Variants in COA1 observed in about 807,000 individuals in gnomAD.
The protein encoded by COA1 is cytochrome c oxidase assembly factor 1, also known as cytochrome c oxidase assembly factor 1 homolog.
In COA1, 13 loss-of-function variants were observed where a neutral mutation model predicts 16.0. That is an observed-to-expected ratio of 0.81 (90% confidence interval 0.53 to 1.29). COA1 has a LOEUF of 1.29. COA1 is among the 50% of genes most tolerant of loss of function. The pLI, the probability that COA1 is intolerant of heterozygous loss-of-function variation, is 0.00. For synonymous variants in COA1, 65 were observed against 65.7 expected (o/e 0.99, Z 0.05); for missense variants, 179 against 177.0 (o/e 1.01, Z -0.06).
intron 1 of COA1, among the ~76,000 whole-genome samples, chr7:43,673,650 C>A (rs774688714): frequency 1.3e-5 from 2 of 152,102 alleles, no homozygotes; most frequent in Non-Finnish European, 2.9e-5. Flanking sequence ...TGCGTATATA[C>A]CCAAAGGTAT....
chr7:43,692,122 C>T (rs187952262), intron 1 of COA1, among the ~76,000 whole-genome samples: 1 of 152,328 alleles, frequency 6.6e-6, no homozygotes, highest in African/African-American at 2.4e-5. Flanking sequence ...TGGGAATTAT[C>T]CAACCATCTG....
intron 6 of COA1, among the ~76,000 whole-genome samples, chr7:43,630,251 T>C (rs2085038270): frequency 6.6e-6 from 1 of 152,200 alleles, no homozygotes; most frequent in African/African-American, 2.4e-5. Context: ...GACACAGTCC[T>C]TTGGGGAGCA....
At chr7:43,669,228 A>C (rs1431199567) in intron 1 of COA1, among the ~76,000 whole-genome samples, 1 of 152,192 alleles carries the variant, frequency 6.6e-6, no homozygotes, top group Non-Finnish European at 1.5e-5. Context: ...ATAGGAGTTT[A>C]TTAAGAAATT....
Position 43,703,209 on chromosome 7 carries a change from C to G in COA1, c.-39+26220G>C, listed in dbSNP as rs150360860. ...CACTGTGGTCTGACAGTGTGGTTAG[C>G]ATGATTTCGGTTTTTGTCTGTTTTA... On this transcript the variant is annotated intron_variant, in intron 1 of 5. Coordinates refer to ENST00000223336, the MANE Select transcript of COA1 (RefSeq NM_018224.4). 4.1e-3 allele frequency among the ~76,000 whole-genome samples: 622 copies of G among 152,152 alleles called. 5 individuals carry two copies. Among genetic ancestry groups the G allele is most frequent in the African/African-American group, 0.014 (593 of 41,512 alleles).
At chr7:43,665,567 C>G (rs2092822692) in intron 1 of COA1, 1 of 152,188 alleles carries the variant, frequency 6.6e-6, no homozygotes, top group Non-Finnish European at 1.5e-5. Context: ...AAACCCAGCT[C>G]AAGCAGAGTG....
At chr7:43,629,958 G>A (rs192525975) in intron 6 of COA1, among the ~76,000 whole-genome samples, 101 of 152,266 alleles carry the variant, frequency 6.6e-4, no homozygotes, top group Middle Eastern at 3.4e-3. Context: ...ATAACTAGAG[G>A]ACAGTTAACC....
Position 43,694,120 on chromosome 7 carries a change from C to T in COA1, c.-39+35309G>A, listed in dbSNP as rs370964863. 2.7e-5 allele frequency among the ~76,000 whole-genome samples: 4 copies of T among 148,766 alleles called. No homozygotes were observed. In the East Asian group the frequency reaches 5.9e-4, roughly 22 times the overall value. On this transcript the variant is annotated intron_variant, in intron 1 of 5. Coordinates refer to ENST00000223336, the MANE Select transcript of COA1 (RefSeq NM_018224.4). ...TGCTCTGTGCTCCTAAGACCAACCC[C>T]GCCACTGCACACTAGATCCCAGTTC...
intron 1 of COA1, among the ~76,000 whole-genome samples, chr7:43,707,675 G>A (rs1691760503): frequency 6.6e-6 from 1 of 152,110 alleles, no homozygotes; most frequent in Non-Finnish European, 1.5e-5. Context: ...TGTTTTTAAG[G>A]TTCATCCATA....
At chr7:43,620,783 A>G (rs1006560706) in intron 6 of COA1, among the ~76,000 whole-genome samples, 1 of 152,232 alleles carries the variant, frequency 6.6e-6, no homozygotes, top group Admixed American at 6.5e-5. Flanking sequence ...AGACCAGGAA[A>G]TCAAGAAGCT....
intron 1 of COA1, among the ~76,000 whole-genome samples, chr7:43,687,315 A>G (rs894968090): frequency 1.3e-5 from 2 of 152,238 alleles, no homozygotes; most frequent in Admixed American, 6.5e-5. Context: ...TTACTATCAG[A>G]CAAGAAAATA....
intron 1 of COA1, among the ~76,000 whole-genome samples, chr7:43,700,619 T>TGTGTG (rs397766419): frequency 3.3e-5 from 5 of 150,082 alleles, no homozygotes; most frequent in South Asian, 2.1e-4. Context: ...TGTGTGTGTG[T>TGTGTG]TAGAGTAAGG....
intron 6 of COA1, among the ~76,000 whole-genome samples, chr7:43,612,258 A>G (rs1007000184): frequency 1.1e-4 from 17 of 152,124 alleles, no homozygotes; most frequent in African/African-American, 3.4e-4. Flanking sequence ...ATGCCCCTCC[A>G]TGTGCAGTCA....
chr7:43,657,862 A>G (rs1053548562), intron 1 of COA1, among the ~76,000 whole-genome samples: 16 of 152,160 alleles, frequency 1.1e-4, no homozygotes, highest in Non-Finnish European at 5.9e-5. Flanking sequence ...CTGAACAAAC[A>G]TCTCACCAAA....
chr7:43,722,582 T>C (rs1443929279), intron 1 of COA1, among the ~76,000 whole-genome samples: 2 of 151,274 alleles, frequency 1.3e-5, no homozygotes, highest in Non-Finnish European at 2.9e-5. Flanking sequence ...TTTGTATTTT[T>C]AGTAGAGACG....
intron 1 of COA1, among the ~76,000 whole-genome samples, chr7:43,703,239 T>G (rs2094823407): frequency 6.6e-6 from 1 of 152,166 alleles, no homozygotes; most frequent in South Asian, 2.1e-4. Context: ...GTTTTAGAAT[T>G]GCTTTATGGC....
At chr7:43,641,281 G>C (rs528655927) in intron 4 of COA1, among the ~76,000 whole-genome samples, 80 of 145,108 alleles carry the variant, frequency 5.5e-4, no homozygotes, top group Non-Finnish European at 1.0e-3. Flanking sequence ...TAGGACGCTT[G>C]GATTTGTGCC....
intron 1 of COA1, among the ~76,000 whole-genome samples, chr7:43,727,965 T>A (rs1334463772): frequency 6.7e-6 from 1 of 149,652 alleles, no homozygotes; most frequent in Admixed American, 6.9e-5. Context: ...TAATTACTTT[T>A]AGGTTTTCTT....
chr7:43,691,104 G>A (rs1163562755), intron 1 of COA1, among the ~76,000 whole-genome samples: 4 of 146,486 alleles, frequency 2.7e-5, no homozygotes, highest in Non-Finnish European at 6.0e-5. Context: ...TTGGCCAGGC[G>A]CAGTAGTACA....
intron 1 of COA1, among the ~76,000 whole-genome samples, chr7:43,651,478 T>C (rs1306275745): frequency 6.6e-6 from 1 of 152,086 alleles, no homozygotes; most frequent in Non-Finnish European, 1.5e-5. Context: ...CACAGTCTGC[T>C]AAACGGATGC....
Sources: allele counts gnomAD v4.1 joint callset (sites outside exome capture counted in the v4.1 genomes callset), GRCh38; gene constraint gnomAD v4.1.1; transcripts MANE v1.5; gene names NCBI Gene and HGNC (gene_info 2026-07-23, HGNC 2026-07-21).